Variants in SSH2 observed in about 807,000 individuals in gnomAD.
The protein encoded by SSH2 is protein phosphatase Slingshot homolog 2.
A neutral mutation model predicts 135.2 loss-of-function variants in SSH2; 37 were observed. The observed-to-expected ratio is 0.27, with a 90% CI of 0.21 to 0.36. SSH2 has a LOEUF of 0.36. SSH2 is among the 10% of genes least tolerant of loss of function. The probability of loss-of-function intolerance (pLI) is 1.00; values close to 1 mark genes in which losing one functional copy is unlikely to be tolerated. For missense variants in SSH2, 1,408 were observed against 1,765.3 expected, an observed-to-expected ratio of 0.80 and a Z score of 3.63; for synonymous variants, 628 against 646.2, an observed-to-expected ratio of 0.97 and a Z score of 0.43.
intron 4 of SSH2, among the ~76,000 whole-genome samples, chr17:29,698,452 A>G (rs2038851456): frequency 6.6e-6 from 1 of 152,180 alleles, no homozygotes; most frequent in African/African-American, 2.4e-5. Flanking sequence ...CGGAGTTACA[A>G]GTTGCAACTG....
intron 3 of SSH2, among the ~76,000 whole-genome samples, chr17:29,778,643 A>T (rs892539595): frequency 7.0e-4 from 97 of 138,610 alleles, no homozygotes; most frequent in Middle Eastern, 3.6e-3. Flanking sequence ...TCTGTCTAAA[A>T]AAATAAATAA....
At chr17:29,743,907 C>CTTTTTTT (rs59540894) in intron 3 of SSH2, among the ~76,000 whole-genome samples, 1 of 99,864 alleles carries the variant, frequency 1.0e-5, no homozygotes, top group Non-Finnish European at 2.0e-5. Context: ...TTCTTTTTTC[C>CTTTTTTT]TTTTTTTTTT....
intron 1 of SSH2, among the ~76,000 whole-genome samples, chr17:29,880,952 C>A (rs578246129): frequency 6.6e-6 from 1 of 152,210 alleles, no homozygotes; most frequent in South Asian, 2.1e-4. Context: ...GCCCAAAGGA[C>A]CAAACAGCAT....
rs183820732 is a variant in SSH2 at position 29,669,078 on chromosome 17, G to A, written c.810-1855C>T. 4.6e-3 allele frequency among the ~76,000 whole-genome samples: 694 copies of A among 151,886 alleles called. 2 individuals carry two copies. Among genetic ancestry groups the A allele is most frequent in the Non-Finnish European group, 8.1e-3 (553 of 67,944 alleles). On this transcript the variant is annotated intron_variant, in intron 9 of 15. Coordinates refer to ENST00000540801, the MANE Select transcript of SSH2 (RefSeq NM_001282129.2). The stretch of plus-strand genomic sequence containing the variant: ...AGCCTAGCCAACATGGTGAAACCCC[G>A]TCTCTACTAAAAATACAAAAATTAG...
chr17:29,746,998 G>A (rs967299723), intron 3 of SSH2, among the ~76,000 whole-genome samples: 1 of 152,144 alleles, frequency 6.6e-6, no homozygotes, highest in African/African-American at 2.4e-5. Context: ...CAATTAGAAC[G>A]CTCAGGACTT....
chr17:29,844,072 T>C lies in SSH2; in HGVS notation c.144+4777A>G, dbSNP rs901820751. Among the ~76,000 whole-genome samples, 4 of 152,336 alleles carry C rather than the reference T, an allele frequency of 2.6e-5. No individual in the cohort carries two copies. The South Asian group carries it at 8.3e-4, about 32-fold the overall frequency. On this transcript the variant is annotated intron_variant, in intron 2 of 15. Transcript: ENST00000540801. ...TTTGATTCTAGGGGGTGGCTTTTTC[T>C]TTTCTTTAATAACACAAAAGGCTAA...
At chr17:29,795,341 T>C (rs1453128540) in intron 2 of SSH2, among the ~76,000 whole-genome samples, 1 of 152,246 alleles carries the variant, frequency 6.6e-6, no homozygotes, top group African/African-American at 2.4e-5. Context: ...TCATTATTCA[T>C]TTCAAACATG....
intron 4 of SSH2, among the ~76,000 whole-genome samples, chr17:29,699,931 T>C (rs1437095592): frequency 6.6e-6 from 1 of 152,208 alleles, no homozygotes; most frequent in African/African-American, 2.4e-5. Flanking sequence ...ATTTCTTCCC[T>C]TACTCTAAAA....
chr17:29,692,427 T>C (rs371850016), intron 5 of SSH2, among the ~76,000 whole-genome samples: 15 of 152,324 alleles, frequency 9.8e-5, no homozygotes, highest in East Asian at 9.6e-4. Flanking sequence ...TAAAACGGCT[T>C]GTCATTTGAA....
intron 2 of SSH2, among the ~76,000 whole-genome samples, chr17:29,846,507 G>A (rs1284713184): frequency 6.6e-6 from 1 of 152,184 alleles, no homozygotes; most frequent in Non-Finnish European, 1.5e-5. Context: ...CCCTCAGTTT[G>A]TCATCTGCAA....
intron 2 of SSH2, among the ~76,000 whole-genome samples, chr17:29,844,394 A>T (rs139480855): frequency 5.2e-4 from 79 of 152,350 alleles, no homozygotes; most frequent in African/African-American, 1.8e-3. Flanking sequence ...AAATGAATCC[A>T]GTTGTTCCTA....
rs537314338 is a variant in SSH2, at chr17:29,835,862, C to T, written c.144+12987G>A. Reference sequence around the variant, plus strand: ...AGGCGTGGTGGTGGGCGACTGTAGTCACAGGAGAATGGCGTGAACCCAGGA... The same window carrying T: ...AGGCGTGGTGGTGGGCGACTGTAGTTACAGGAGAATGGCGTGAACCCAGGA... On this transcript the variant is annotated intron_variant, in intron 2 of 15. Transcript: ENST00000540801. Among the ~76,000 whole-genome samples, 6 of 150,652 alleles carry T rather than the reference C, an allele frequency of 4.0e-5. No homozygotes were observed. The East Asian group carries it at 1.2e-3, about 29-fold the overall frequency.
chr17:29,764,560 G>A (rs1013908667), intron 3 of SSH2, among the ~76,000 whole-genome samples: 1 of 152,208 alleles, frequency 6.6e-6, no homozygotes. Context: ...TCTACATGAA[G>A]TCAGAAGGGG....
intron 2 of SSH2, among the ~76,000 whole-genome samples, chr17:29,840,327 C>G (rs2043017900): frequency 6.6e-6 from 1 of 152,172 alleles, no homozygotes; most frequent in South Asian, 2.1e-4. Context: ...AAATACAACT[C>G]TGGTAAAAAG....
intron 2 of SSH2, among the ~76,000 whole-genome samples, chr17:29,815,404 T>G (rs1312425532): frequency 1.3e-5 from 2 of 151,978 alleles, no homozygotes; most frequent in Non-Finnish European, 2.9e-5. Flanking sequence ...TTACAGGTGT[T>G]AGCCACCGTG....
intron 15 of SSH2, 148 bp from the exon 16 acceptor site, chr17:29,633,079 A>G (rs2035756542): frequency 1.4e-6 from 1 of 700,604 alleles, no homozygotes; most frequent in Admixed American, 3.0e-5. Flanking sequence ...CACTCTGCCC[A>G]TCTGTTTTGT....
In SSH2 at chr17:29,793,943, T is replaced by A; in HGVS notation, c.145-6A>T. 1 of 1,609,090 alleles carries A rather than the reference T, an allele frequency of 6.2e-7. No homozygotes were observed. Among genetic ancestry groups the A allele is most frequent in the Non-Finnish European group, 8.5e-7 (1 of 1,176,914 alleles). ...TCCTCCCCACTGTCTGCCTCCTGTA[T>A]AGACAGAAAATGAAAAAAAAAATTA... On this transcript the variant is annotated splice_polypyrimidine_tract_variant and splice_region_variant and intron_variant, in intron 2 of 15. Transcript: ENST00000540801.
At chr17:29,852,058 G>A (rs1256045042) in intron 1 of SSH2, among the ~76,000 whole-genome samples, 1 of 152,084 alleles carries the variant, frequency 6.6e-6, no homozygotes, top group African/African-American at 2.4e-5. Context: ...AAGGTGGGTG[G>A]ACCACCTGAG....
intron 3 of SSH2, among the ~76,000 whole-genome samples, chr17:29,709,175 G>A (rs2039346886): frequency 6.6e-6 from 1 of 151,804 alleles, no homozygotes; most frequent in South Asian, 2.1e-4. Context: ...ATACATGTAA[G>A]AGACTGAGGG....
Sources: gnomAD v4.1 joint callset for allele counts (sites outside exome capture counted in the v4.1 genomes callset) on GRCh38, gnomAD v4.1.1 for gene constraint, MANE v1.5 for transcripts, NCBI Gene and HGNC (gene_info 2026-07-23, HGNC 2026-07-21) for gene names.